Variants in WDPCP observed in about 807,000 individuals in gnomAD.
The protein encoded by WDPCP is WD repeat containing planar cell polarity effector.
A neutral mutation model predicts 93.1 loss-of-function variants in WDPCP; 71 were observed. The observed-to-expected ratio is 0.76, with a 90% CI of 0.63 to 0.93. The LOEUF is 0.93. Ranked by LOEUF, WDPCP falls within the 40% of genes least tolerant of loss-of-function variation. WDPCP has a pLI of 0.00. For synonymous variants in WDPCP, 315 were observed against 315.0 expected (o/e 1.00, Z 0.00); for missense variants, 844 against 887.4 (o/e 0.95, Z 0.62).
At chr2:63,734,751 A>T (rs1669614071) in intron 2 of WDPCP, among the ~76,000 whole-genome samples, 1 of 152,230 alleles carries the variant, frequency 6.6e-6, no homozygotes, top group South Asian at 2.1e-4. Context: ...ATTACTTGCT[A>T]AACCTGCAGT....
At chr2:63,148,996 A>G (rs1671717061) in intron 17 of WDPCP, among the ~76,000 whole-genome samples, 1 of 152,230 alleles carries the variant, frequency 6.6e-6, no homozygotes, top group African/African-American at 2.4e-5. Context: ...TAAACAAGAT[A>G]TAAAAGCATA....
chr2:63,625,593 A>G (rs111237339), intron 3 of WDPCP, among the ~76,000 whole-genome samples: 6 of 152,344 alleles, frequency 3.9e-5, no homozygotes, highest in African/African-American at 1.4e-4. Flanking sequence ...CACAAAGAGA[A>G]TAAAATGTCT....
At chr2:63,562,689 A>G (rs1706717776) in intron 1 of WDPCP, among the ~76,000 whole-genome samples, 1 of 152,250 alleles carries the variant, frequency 6.6e-6, no homozygotes, top group Non-Finnish European at 1.5e-5. Context: ...ACTGTAAGGT[A>G]GAGCTTTCCA....
intron 2 of WDPCP, chr2:63,717,272 C>A (rs1448612902): frequency 3.7e-6 from 2 of 543,962 alleles, no homozygotes; most frequent in South Asian, 1.4e-5. Context: ...AGAATTAAGA[C>A]CTTCAGGCAG....
chr2:63,506,605 C>G (rs1387861009), intron 1 of WDPCP, among the ~76,000 whole-genome samples: 1 of 152,092 alleles, frequency 6.6e-6, no homozygotes. Flanking sequence ...AGCACACGTA[C>G]TGGAACCCTA....
intron 3 of WDPCP, chr2:63,606,971 T>C: frequency 6.2e-7 from 1 of 1,612,058 alleles, no homozygotes; most frequent in Non-Finnish European, 8.5e-7. Context: ...GCTTTTGAAT[T>C]TCTTTCCTCT....
intron 15 of WDPCP, among the ~76,000 whole-genome samples, chr2:63,157,068 T>C (rs1489156055): frequency 6.6e-6 from 1 of 151,332 alleles, no homozygotes; most frequent in East Asian, 1.9e-4. Context: ...TTTTTAATTA[T>C]GAATGGGTAT....
intron 13 of WDPCP, among the ~76,000 whole-genome samples, chr2:63,266,135 C>G (rs761403467): frequency 1.3e-5 from 2 of 152,154 alleles, no homozygotes; most frequent in African/African-American, 4.8e-5. Flanking sequence ...CTATTCAACA[C>G]AGCACTGGAA....
chr2:63,614,921 G>A (rs1709656778), intron 3 of WDPCP, among the ~76,000 whole-genome samples: 1 of 152,142 alleles, frequency 6.6e-6, no homozygotes, highest in Non-Finnish European at 1.5e-5. Flanking sequence ...CATAAAAACA[G>A]ACAATTTTCC....
At chr2:63,616,454 C>T (rs1232150361) in intron 3 of WDPCP, among the ~76,000 whole-genome samples, 1 of 152,192 alleles carries the variant, frequency 6.6e-6, no homozygotes, top group African/African-American at 2.4e-5. Context: ...AGACCCTCAC[C>T]TTAGCCTAAT....
intron 7 of WDPCP, 93 bp from the exon 8 acceptor site, chr2:63,437,647 A>G: frequency 2.5e-6 from 3 of 1,210,892 alleles, no homozygotes; most frequent in Non-Finnish European, 2.3e-6. Context: ...TCAAACATAC[A>G]TATTAACTGA....
chr2:63,288,424 T>C (rs776833538), intron 13 of WDPCP, among the ~76,000 whole-genome samples: 2 of 152,214 alleles, frequency 1.3e-5, no homozygotes, highest in Non-Finnish European at 2.9e-5. Flanking sequence ...AGCATTTCTG[T>C]GGCCAAATCG....
chr2:63,376,567 T>G (rs1691869205), intron 12 of WDPCP, among the ~76,000 whole-genome samples: 1 of 151,880 alleles, frequency 6.6e-6, no homozygotes, highest in Non-Finnish European at 1.5e-5. Flanking sequence ...AAAACTTCTG[T>G]TTCATTCACT....
At chr2:63,796,540 A>G (rs1670619967) in intron 2 of WDPCP, among the ~76,000 whole-genome samples, 1 of 152,216 alleles carries the variant, frequency 6.6e-6, no homozygotes, top group Admixed American at 6.5e-5. Flanking sequence ...ACAAAGAGAT[A>G]ATCTGTGTGC....
chr2:63,666,359 C>T (rs1710283172), intron 2 of WDPCP, among the ~76,000 whole-genome samples: 1 of 152,186 alleles, frequency 6.6e-6, no homozygotes, highest in Admixed American at 6.5e-5. Flanking sequence ...TCACTGCCTG[C>T]TGTGTGTTTT....
At position 63,403,930 on chromosome 2, in the gene WDPCP, A is replaced by G. The variant is rs1048170357; in HGVS notation, c.1435+118T>C. The stretch of plus-strand genomic sequence containing the variant: ...GAACTATATGGATATTTGAAAGGCA[A>G]ACATATTTATGGGATGATAAATAGA... On this transcript the variant is annotated intron_variant, in intron 10 of 17. Transcript: ENST00000272321. 1.2e-5 allele frequency: 17 copies of G among 1,415,452 alleles called. No individual in the cohort carries two copies. The South Asian group carries it at 2.0e-4, about 16-fold the overall frequency. The allele number at this position is 1,415,452 out of a possible 1,614,324, so 87.7% of individuals were successfully genotyped here.
intron 2 of WDPCP, among the ~76,000 whole-genome samples, chr2:63,741,712 T>G (rs1227716334): frequency 1.3e-5 from 2 of 152,102 alleles, no homozygotes; most frequent in East Asian, 3.9e-4. Flanking sequence ...AACCCTCTGA[T>G]TTCTTTAAAT....
chr2:63,142,013 G>A (rs1470932893), intron 17 of WDPCP, among the ~76,000 whole-genome samples: 3 of 151,968 alleles, frequency 2.0e-5, no homozygotes, highest in African/African-American at 7.3e-5. Context: ...AGGTTATTTG[G>A]CTTCTCTCTC....
At chr2:63,208,447 C>T (rs946164865) in intron 14 of WDPCP, among the ~76,000 whole-genome samples, 4 of 152,078 alleles carry the variant, frequency 2.6e-5, no homozygotes, top group African/African-American at 9.7e-5. Flanking sequence ...CATTCTTTTT[C>T]CTTTTCCCCC....
Sources: gnomAD v4.1 joint callset for allele counts (sites outside exome capture counted in the v4.1 genomes callset) on GRCh38, gnomAD v4.1.1 for gene constraint, MANE v1.5 for transcripts, NCBI Gene and HGNC (gene_info 2026-07-23, HGNC 2026-07-21) for gene names.